The following CRIPT variants were observed in gnomAD, a reference collection of about 807,000 sequenced individuals.
CRIPT encodes cysteine-rich PDZ-binding protein.
In CRIPT, 20 loss-of-function variants were observed where a neutral mutation model predicts 16.6. The observed-to-expected ratio is 1.20, with a 90% CI of 0.85 to 1.75. The LOEUF is 1.75. Among genes scored for constraint, CRIPT ranks in the 40% most tolerant of loss-of-function variants. The probability of loss-of-function intolerance (pLI) is 0.00; values close to 1 mark genes in which losing one functional copy is unlikely to be tolerated. For missense variants in CRIPT, 133 were observed against 115.3 expected, an observed-to-expected ratio of 1.15 and a Z score of -0.70; for synonymous variants, 42 against 37.0, an observed-to-expected ratio of 1.14 and a Z score of -0.49.
Position 46,618,897 on chromosome 2 carries a change from A to C in CRIPT, c.82+59A>C, listed in dbSNP as rs571356589. On this transcript the variant is annotated intron_variant, in intron 2 of 4. Transcript: ENST00000238892. Reference sequence around the variant, plus strand: ...GAATACTTACTGTGAATAATACCTTAGTTTTTACATTATTTGTACAATGAA... The same window carrying C: ...GAATACTTACTGTGAATAATACCTTCGTTTTTACATTATTTGTACAATGAA... The C allele has an allele frequency of 1.3e-4, 132 of 1,015,836 alleles. 3 individuals are homozygous for C. The South Asian group carries it at 1.8e-3, about 14-fold the overall frequency. The allele number at this position is 1,015,836 out of a possible 1,614,324, so 62.9% of individuals were successfully genotyped here. A position where few individuals can be genotyped will look rare whatever the true frequency, so the allele number is the denominator to read the frequency against.
rs1670974582 is a variant in CRIPT, at chr2:46,627,759, C to G, written c.*3532C>G. ...TGCACCCGGCCCCTTATATTTAAAT[C>G]TTTAATCTATCTTGAGGTAATTTTA... On this transcript the variant is annotated 3_prime_UTR_variant, in exon 5 of 5. Coordinates refer to ENST00000238892, the MANE Select transcript of CRIPT (RefSeq NM_014171.6). 6.6e-6 allele frequency among the ~76,000 whole-genome samples: 1 copy of G among 152,042 alleles called. No individual in the cohort carries two copies. The highest frequency in any genetic ancestry group is 1.5e-5 in the Non-Finnish European group (1 of 67,986).
rs1670883834 is a variant in CRIPT, at chr2:46,624,371, C to T, written c.*144C>T. On this transcript the variant is annotated 3_prime_UTR_variant, in exon 5 of 5. Transcript: ENST00000238892. ...ATTTGATTGTTACTCATTTTGCTCT[C>T]ATGTTCTAAACAGCAACAGTGTAAC... is the stretch of plus-strand genomic sequence containing the variant. 2.2e-6 allele frequency: 1 copy of T among 447,532 alleles called. No homozygotes were observed. Among genetic ancestry groups the T allele is most frequent in the Non-Finnish European group, 3.9e-6 (1 of 258,120 alleles). The allele number at this position is 447,532 out of a possible 1,614,324, so 27.7% of individuals were successfully genotyped here. A position where few individuals can be genotyped will look rare whatever the true frequency, so the allele number is the denominator to read the frequency against.
chr2:46,624,870 A>G lies in CRIPT; in HGVS notation c.*643A>G, dbSNP rs993486188. 6 of 152,090 alleles carry G rather than the reference A, an allele frequency of 3.9e-5. No homozygotes were observed. Among genetic ancestry groups the G allele is most frequent in the African/African-American group, 1.2e-4 (5 of 41,406 alleles). The allele number at this position is 152,090 out of a possible 1,614,324, so 9.4% of individuals were successfully genotyped here. A position where few individuals can be genotyped will look rare whatever the true frequency, so the allele number is the denominator to read the frequency against. On this transcript the variant is annotated 3_prime_UTR_variant, in exon 5 of 5. Coordinates refer to ENST00000238892, the MANE Select transcript of CRIPT (RefSeq NM_014171.6). ...TAAATACACTGAATTTTAGAAAAAC[A>G]TATTACTTTGAATTCAAATTGTCAT... is the stretch of plus-strand genomic sequence containing the variant.
Position 46,626,748 on chromosome 2 carries a change from C to T in CRIPT, c.*2521C>T, listed in dbSNP as rs1022675712. On this transcript the variant is annotated 3_prime_UTR_variant, in exon 5 of 5. Transcript: ENST00000238892. ...TGAGCATTTTTTCATGTTTGTTAAC[C>T]GCTTGTATGTTGTCTTTTGAGAAGT... is the stretch of plus-strand genomic sequence containing the variant. Among the ~76,000 whole-genome samples, 6 of 151,608 alleles carry T rather than the reference C, an allele frequency of 4.0e-5. No homozygotes were observed. The South Asian group carries it at 6.2e-4, about 16-fold the overall frequency.
In CRIPT at chr2:46,619,694, A is replaced by G; in HGVS notation, c.137+13A>G. The G allele has an allele frequency of 6.2e-7, 1 of 1,603,314 alleles. No individual in the cohort carries two copies. The highest frequency in any genetic ancestry group is 8.5e-7 in the Non-Finnish European group (1 of 1,172,454). ...CAAAAAAAGCAAGGTGGGTAAGAGGATCCATCGATGGGTCACATAAATTTC... is the reference window on the plus strand; with the variant it reads ...CAAAAAAAGCAAGGTGGGTAAGAGGGTCCATCGATGGGTCACATAAATTTC... On this transcript the variant is annotated intron_variant, in intron 3 of 4. Coordinates refer to ENST00000238892, the MANE Select transcript of CRIPT (RefSeq NM_014171.6).
intron 3 of CRIPT, among the ~76,000 whole-genome samples, chr2:46,622,017 G>A (rs1166833467): frequency 6.6e-6 from 1 of 152,142 alleles, no homozygotes; most frequent in Non-Finnish European, 1.5e-5. Context: ...TGGAATCTAT[G>A]GTACTGTTAT....
Position 46,624,601 on chromosome 2 carries a change from C to A in CRIPT, c.*374C>A, listed in dbSNP as rs576034461. 1 of 155,420 alleles carries A rather than the reference C, an allele frequency of 6.4e-6. No individual in the cohort carries two copies. The highest frequency in any genetic ancestry group is 1.9e-4 in the East Asian group (1 of 5,390). 9.6% of individuals were successfully genotyped at this position (155,420 alleles called of 1,614,324 possible). A position where few individuals can be genotyped will look rare whatever the true frequency, so the allele number is the denominator to read the frequency against. ...CTCTGAATTTGGCATCCAGAGTTAACATTTCTCCCCTCACTCCCTTGCTGG... is the reference window on the plus strand; with the variant it reads ...CTCTGAATTTGGCATCCAGAGTTAAAATTTCTCCCCTCACTCCCTTGCTGG... On this transcript the variant is annotated 3_prime_UTR_variant, in exon 5 of 5. Transcript: ENST00000238892.
At chr2:46,624,142 A>ACAG in intron 4 of CRIPT, 21 bp from the exon 5 acceptor site, 1 of 1,525,458 alleles carries the variant, frequency 6.6e-7, no homozygotes, top group Non-Finnish European at 8.9e-7. Flanking sequence ...TTGATTGATC[A>ACAG]CATATCTTCT....
rs1267305701 is a variant in CRIPT at position 46,626,009 on chromosome 2, G to A, written c.*1782G>A. 6.6e-6 allele frequency among the ~76,000 whole-genome samples: 1 copy of A among 152,100 alleles called. No homozygotes were observed. Among genetic ancestry groups the A allele is most frequent in the Non-Finnish European group, 1.5e-5 (1 of 68,022 alleles). On this transcript the variant is annotated 3_prime_UTR_variant, in exon 5 of 5. Coordinates refer to ENST00000238892, the MANE Select transcript of CRIPT (RefSeq NM_014171.6). ...CAGGTGAGTTATATGGGTATATTTTGTGATGCTGAGGTTTGGGGTACAAAT... is the reference window on the plus strand; with the variant it reads ...CAGGTGAGTTATATGGGTATATTTTATGATGCTGAGGTTTGGGGTACAAAT...
intron 2 of CRIPT, among the ~76,000 whole-genome samples, 193 bp downstream of exon 2, chr2:46,619,031 A>G (rs2104166222): frequency 6.6e-6 from 1 of 152,348 alleles, no homozygotes; most frequent in East Asian, 1.9e-4. Flanking sequence ...GGTTCCTAAT[A>G]TCAGGAGATA....
intron 1 of CRIPT, among the ~76,000 whole-genome samples, chr2:46,617,522 T>C (rs925461649): frequency 3.3e-5 from 5 of 152,166 alleles, no homozygotes; most frequent in African/African-American, 1.2e-4. Flanking sequence ...CCTTGTCTAT[T>C]TCTGTTGCCT....
rs145491000 is a variant in CRIPT at position 46,628,552 on chromosome 2, G to T, written c.*4325G>T. On this transcript the variant is annotated 3_prime_UTR_variant, in exon 5 of 5. Coordinates refer to ENST00000238892, the MANE Select transcript of CRIPT (RefSeq NM_014171.6). Reference sequence around the variant, plus strand: ...GCTTGGAATGTTTTTCCATTTGTTTGTGTCATCTCTGATTTCTTTCAGCGT... The same window carrying T: ...GCTTGGAATGTTTTTCCATTTGTTTTTGTCATCTCTGATTTCTTTCAGCGT... Among the ~76,000 whole-genome samples the T allele has an allele frequency of 4.1e-3, 625 of 152,284 alleles. 4 individuals carry two copies. Among genetic ancestry groups the T allele is most frequent in the African/African-American group, 0.015 (606 of 41,558 alleles).
chr2:46,624,112 C>A, intron 4 of CRIPT, 51 bp from the exon 5 acceptor site: 3 of 1,334,102 alleles, frequency 2.2e-6, no homozygotes, highest in Non-Finnish European at 3.0e-6. Context: ...TGACTTAAAC[C>A]AAACAGTTGG....
chr2:46,623,524 G>A (rs560252916), intron 3 of CRIPT, among the ~76,000 whole-genome samples: 1 of 152,178 alleles, frequency 6.6e-6, no homozygotes, highest in Non-Finnish European at 1.5e-5. Context: ...ATATGAACAC[G>A]TCAAGAATAA....
At chr2:46,624,039 A>T (rs930842989) in intron 4 of CRIPT, 124 bp from the exon 5 acceptor site, 83 of 382,558 alleles carry the variant, frequency 2.2e-4, no homozygotes, top group Admixed American at 1.2e-3. Context: ...ATATATATAT[A>T]TATTTTTTTT....
intron 1 of CRIPT, 43 bp from the exon 2 acceptor site, chr2:46,618,730 A>T (rs773665591): frequency 2.3e-6 from 3 of 1,302,798 alleles, no homozygotes; most frequent in Admixed American, 1.8e-5. Context: ...GCACTTATTA[A>T]ATAATAAAGT....
rs572995336 is a variant in CRIPT at position 46,627,696 on chromosome 2, C to T, written c.*3469C>T. 3.7e-4 allele frequency among the ~76,000 whole-genome samples: 57 copies of T among 152,272 alleles called. No individual in the cohort carries two copies. The highest frequency in any genetic ancestry group is 1.3e-3 in the African/African-American group (53 of 41,558). On this transcript the variant is annotated 3_prime_UTR_variant, in exon 5 of 5. Coordinates refer to ENST00000238892, the MANE Select transcript of CRIPT (RefSeq NM_014171.6). ...CGAGCCTCAAGTGATCCACCCACCTCAGTCTCCCAAAGTGCTGGGATTACA... is the reference window on the plus strand; with the variant it reads ...CGAGCCTCAAGTGATCCACCCACCTTAGTCTCCCAAAGTGCTGGGATTACA...
chr2:46,622,588 C>T (rs549290156), intron 3 of CRIPT, among the ~76,000 whole-genome samples: 5 of 152,028 alleles, frequency 3.3e-5, no homozygotes, highest in Admixed American at 1.3e-4. Context: ...CCAACGCAGG[C>T]GGATCTCCTG....
chr2:46,629,003 A>G lies in CRIPT; in HGVS notation c.*4776A>G, dbSNP rs1266924915. On this transcript the variant is annotated 3_prime_UTR_variant, in exon 5 of 5. Transcript: ENST00000238892. ...TTAAGATATCAGATTGTAATATAAA[A>G]GATACTAGAAACAAATGCCAATAGA... Among the ~76,000 whole-genome samples the G allele has an allele frequency of 6.6e-6, 1 of 152,250 alleles. No homozygotes were observed. Among genetic ancestry groups the G allele is most frequent in the East Asian group, 1.9e-4 (1 of 5,200 alleles).
Sources: gnomAD v4.1 joint callset for allele counts (sites outside exome capture counted in the v4.1 genomes callset) on GRCh38, gnomAD v4.1.1 for gene constraint, MANE v1.5 for transcripts, NCBI Gene and HGNC (gene_info 2026-07-23, HGNC 2026-07-21) for gene names.